Variants in HDAC7 observed in about 807,000 individuals in gnomAD.
The protein encoded by HDAC7 is histone deacetylase 7.
Under a neutral mutation model 115.5 loss-of-function variants are expected in HDAC7, and 26 were observed. That is an observed-to-expected ratio of 0.23 (90% CI 0.16 to 0.31). The LOEUF is 0.31. Among genes scored for constraint, HDAC7 ranks in the 10% least tolerant of loss-of-function variants. The pLI, the probability that HDAC7 is intolerant of heterozygous loss-of-function variation, is 1.00. For synonymous variants in HDAC7, 564 were observed against 550.9 expected, an observed-to-expected ratio of 1.02 and a Z score of -0.33; for missense variants, 1,068 against 1,329.0, an observed-to-expected ratio of 0.80 and a Z score of 3.05.
At chr12:47,791,202 A>C in intron 16 of HDAC7, 57 bp downstream of exon 16, 1 of 1,475,848 alleles carries the variant, frequency 6.8e-7, no homozygotes, top group Non-Finnish European at 9.3e-7. Flanking sequence ...GGAGAACCAC[A>C]GGGAGGAGAG....
Position 47,789,888 on chromosome 12 carries a change from A to G in HDAC7, c.2016T>C (p.His672=). 1 of 1,613,800 alleles carries G rather than the reference A, an allele frequency of 6.2e-7. No homozygotes were observed. The highest frequency in any genetic ancestry group is 1.7e-5 in the Admixed American group (1 of 60,036). ...VDTDTIWNEL[H]SSNAARWAAG... Reference sequence around the variant, plus strand: ...CGGCCCAGCGGGCTGCATTGGAGGAATGAAGCTCATTCCAGATGGTGTCAG... The same window carrying G: ...CGGCCCAGCGGGCTGCATTGGAGGAGTGAAGCTCATTCCAGATGGTGTCAG... Residue 672 remains histidine (H), a synonymous_variant, in exon 17 of 26, where the codon CAT becomes CAC. Coordinates refer to ENST00000080059, the MANE Select transcript of HDAC7 (RefSeq NM_015401.5).
chr12:47,794,937 G>A lies in HDAC7; in HGVS notation c.1285-4C>T, dbSNP rs1287057121. On this transcript the variant is annotated splice_polypyrimidine_tract_variant and splice_region_variant and intron_variant, in intron 11 of 25. Coordinates refer to ENST00000080059, the MANE Select transcript of HDAC7 (RefSeq NM_015401.5). The stretch of plus-strand genomic sequence containing the variant: ...TCTCACTCGGCTTGGCTGACCTCTG[G>A]GGAGGGGAGAACCTGGCTGAGAAGC... 1.1e-5 allele frequency: 17 copies of A among 1,609,424 alleles called. No individual in the cohort carries two copies. The African/African-American group carries it at 2.1e-4, about 20-fold the overall frequency.
intron 8 of HDAC7, 39 bp from the exon 9 acceptor site, chr12:47,796,055 C>T: frequency 6.5e-7 from 1 of 1,541,682 alleles, no homozygotes; most frequent in East Asian, 2.4e-5. Flanking sequence ...CGGTCCCAGA[C>T]CTCTACCCCG....
At chr12:47,796,951 T>G (rs1943882944) in intron 7 of HDAC7, 66 bp downstream of exon 7, 1 of 1,483,994 alleles carries the variant, frequency 6.7e-7, no homozygotes, top group African/African-American at 1.4e-5. Flanking sequence ...AGGTGGGGCC[T>G]GACCCAAAGG....
At position 47,806,946 on chromosome 12, in the gene HDAC7, T is replaced by TC. The variant is rs372208072; in HGVS notation, c.20-4673_20-4672insG. ...CCTGCCCCATCTCTCTCTCTCTCTC[T>TC]TTTTTTTTTTTGAGATGGAGTCTCG... On this transcript the variant is annotated intron_variant, in intron 1 of 25. Transcript: ENST00000080059. Among the ~76,000 whole-genome samples the TC allele has an allele frequency of 3.7e-3, 436 of 117,362 alleles. 2 individuals carry two copies. Among genetic ancestry groups the TC allele is most frequent in the African/African-American group, 0.017 (425 of 25,508 alleles). The allele number at this position is 117,362 out of a possible 152,430, so 77.0% of individuals were successfully genotyped here. A position where few individuals can be genotyped will look rare whatever the true frequency, so the allele number is the denominator to read the frequency against.
At position 47,784,123 on chromosome 12, in the gene HDAC7, C is replaced by CCTCTTCT. The variant is rs1943017291; in HGVS notation, c.2885_2886insAGAAGAG (p.Thr963GlufsTer15). The CCTCTTCT allele has an allele frequency of 1.2e-6, 2 of 1,613,532 alleles. No individual in the cohort carries two copies. Among genetic ancestry groups the CCTCTTCT allele is most frequent in the Non-Finnish European group, 1.7e-6 (2 of 1,179,844 alleles). ...CCACAGAGAGGGACGCCAGTGCGGT[C>CCTCTTCT]ACTGCCTCCACTTCTTCTTTGTCAG... On this transcript the variant is annotated frameshift_variant, in exon 25 of 26. Coordinates refer to ENST00000080059, the MANE Select transcript of HDAC7 (RefSeq NM_015401.5). LOFTEE classifies it high-confidence loss of function.
At chr12:47,787,664 G>T (rs1254934615) in intron 21 of HDAC7, 48 bp downstream of exon 21, 1 of 1,356,564 alleles carries the variant, frequency 7.4e-7, no homozygotes, top group Non-Finnish European at 1.0e-6. Context: ...CTTGGGAGAA[G>T]GGACAGGAGA....
intron 1 of HDAC7, among the ~76,000 whole-genome samples, chr12:47,819,482 T>C (rs997266380): frequency 1.3e-5 from 2 of 151,816 alleles, no homozygotes; most frequent in African/African-American, 2.4e-5. Flanking sequence ...ACTCCCTCCC[T>C]TGGGCCTGTA....
At chr12:47,794,973 C>T (rs377441328) in intron 11 of HDAC7, 40 bp from the exon 12 acceptor site, 16 of 1,571,486 alleles carry the variant, frequency 1.0e-5, no homozygotes, top group South Asian at 4.7e-5. Context: ...CATGGTGGAG[C>T]GAGGGGCATG....
intron 24 of HDAC7, chr12:47,784,610 A>C: frequency 2.8e-6 from 3 of 1,086,278 alleles, no homozygotes; most frequent in Non-Finnish European, 3.9e-6. Flanking sequence ...CCTCCCACTT[A>C]AACACAGCCC....
chr12:47,786,040 C>G, intron 22 of HDAC7, 155 bp from the exon 23 acceptor site: 2 of 784,404 alleles, frequency 2.5e-6, no homozygotes, highest in Non-Finnish European at 3.9e-6. Flanking sequence ...GAATGTCGTA[C>G]AAAACCTACT....
chr12:47,785,165 T>G, intron 24 of HDAC7: 2 of 555,074 alleles, frequency 3.6e-6, no homozygotes, highest in Admixed American at 3.5e-5. Context: ...GAGGGGCCAC[T>G]GTCTGGTAGG....
At chr12:47,818,503 A>G (rs1944912857) in intron 1 of HDAC7, among the ~76,000 whole-genome samples, 1 of 152,198 alleles carries the variant, frequency 6.6e-6, no homozygotes, top group Admixed American at 6.5e-5. Context: ...GGGAGGGGGA[A>G]AGGGCCGCCA....
At position 47,793,318 on chromosome 12, in the gene HDAC7, C is replaced by T. The variant is rs1455807142; in HGVS notation, c.1678+51G>A. 5 of 1,338,054 alleles carry T rather than the reference C, an allele frequency of 3.7e-6. No individual in the cohort carries two copies. The Admixed American group carries it at 7.1e-5, about 19-fold the overall frequency. The allele number at this position is 1,338,054 out of a possible 1,614,324, so 82.9% of individuals were successfully genotyped here. A position where few individuals can be genotyped will look rare whatever the true frequency, so the allele number is the denominator to read the frequency against. On this transcript the variant is annotated intron_variant, in intron 13 of 25. Coordinates refer to ENST00000080059, the MANE Select transcript of HDAC7 (RefSeq NM_015401.5). The surrounding 1 kb of genome is among the most constrained non-coding windows in gnomAD (Gnocchi z 4.5). ...AGTGACACCAAGACACCCACATGGACTCGTGCAGCCGAGCCCCTCCCTCCA... is the reference window on the plus strand; with the variant it reads ...AGTGACACCAAGACACCCACATGGATTCGTGCAGCCGAGCCCCTCCCTCCA...
chr12:47,791,817 C>CCCCCCAA, intron 14 of HDAC7, 54 bp downstream of exon 14: 1 of 1,571,754 alleles, frequency 6.4e-7, no homozygotes, highest in Admixed American at 1.8e-5. Context: ...CACCCCTCCC[C>CCCCCCAA]TCCCATGACT....
chr12:47,797,589 G>A lies in HDAC7; in HGVS notation c.462-90C>T, dbSNP rs1943927269. 1 of 943,966 alleles carries A rather than the reference G, an allele frequency of 1.1e-6. No individual in the cohort carries two copies. The highest frequency in any genetic ancestry group is 2.5e-5 in the Admixed American group (1 of 39,794). 58.5% of individuals were successfully genotyped at this position (943,966 alleles called of 1,614,324 possible). ...ACGGGCCCTGGGACCTGAGGGGGAG[G>A]CTGCAGCGGGCAGGGCTGGGCAATG... On this transcript the variant is annotated intron_variant, in intron 5 of 25. Coordinates refer to ENST00000080059, the MANE Select transcript of HDAC7 (RefSeq NM_015401.5). The surrounding 1 kb of genome is among the most constrained non-coding windows in gnomAD (Gnocchi z 5.5).
At chr12:47,810,804 G>GTC (rs60132211) in intron 1 of HDAC7, among the ~76,000 whole-genome samples, 20,769 of 130,486 alleles carry the variant, frequency 0.16, 1,918 homozygotes, top group Middle Eastern at 0.2. Context: ...GGAGGAAAAG[G>GTC]TCTCTCTCTC....
chr12:47,795,150 T>A lies in HDAC7; in HGVS notation c.1284+34A>T. 1 of 1,554,352 alleles carries A rather than the reference T, an allele frequency of 6.4e-7. No individual in the cohort carries two copies. The highest frequency in any genetic ancestry group is 1.1e-5 in the South Asian group (1 of 87,318). The stretch of plus-strand genomic sequence containing the variant: ...GGCCCCTAAGTCCCCAGTTAAACAC[T>A]CCCTCAATACCTCCACTGCCCAATT... On this transcript the variant is annotated intron_variant, in intron 11 of 25. Transcript: ENST00000080059. The surrounding 1 kb of genome is among the most constrained non-coding windows in gnomAD (Gnocchi z 4.3).
At chr12:47,786,558 C>T (rs555664202) in intron 22 of HDAC7, 27 bp downstream of exon 22, 29 of 1,521,446 alleles carry the variant, frequency 1.9e-5, no homozygotes, top group South Asian at 1.3e-4. Flanking sequence ...CTGTCCCTAA[C>T]GTCCCCCTCA....
Sources: gnomAD v4.1 joint callset for allele counts (sites outside exome capture counted in the v4.1 genomes callset) on GRCh38, gnomAD v4.1.1 for gene constraint, Gnocchi (gnomAD v3.1) non-coding constraint, MANE v1.5 for transcripts, NCBI Gene and HGNC (gene_info 2026-07-23, HGNC 2026-07-21) for gene names.